The following NEK5 variants were observed in gnomAD, a reference collection of about 807,000 sequenced individuals.
NEK5 encodes the protein NIMA related kinase 5, also known as serine/threonine-protein kinase Nek5.
NEK5 carries 88 observed loss-of-function variants against 109.2 expected under a neutral mutation model. That is an observed-to-expected ratio of 0.81 (90% CI 0.68 to 0.96). The LOEUF (loss-of-function observed/expected upper bound fraction) is 0.96, where lower values mean the gene tolerates loss of function less well. Among genes scored for constraint, NEK5 ranks in the 40% least tolerant of loss-of-function variants. The pLI is 0.00. For synonymous variants in NEK5, 283 were observed against 299.9 expected, an observed-to-expected ratio of 0.94 and a Z score of 0.58; for missense variants, 834 against 920.7, an observed-to-expected ratio of 0.91 and a Z score of 1.22.
chr13:52,106,501 C>G (rs1340909545), intron 8 of NEK5, among the ~76,000 whole-genome samples: 1 of 152,126 alleles, frequency 6.6e-6, no homozygotes, highest in South Asian at 2.1e-4. Flanking sequence ...TGCGGTGGCT[C>G]ACACCTGCAA....
intron 17 of NEK5, among the ~76,000 whole-genome samples, chr13:52,081,355 C>T (rs1955009732): frequency 6.6e-6 from 1 of 152,130 alleles, no homozygotes; most frequent in Non-Finnish European, 1.5e-5. Context: ...CAGGAAATAT[C>T]AGATGCCTTT....
intron 3 of NEK5, among the ~76,000 whole-genome samples, chr13:52,125,390 C>T (rs1046350958): frequency 1.3e-5 from 2 of 152,232 alleles, no homozygotes; most frequent in South Asian, 2.1e-4. Context: ...AGTGAAACCC[C>T]GTCTCTACTA....
intron 22 of NEK5, among the ~76,000 whole-genome samples, chr13:52,055,751 G>C (rs1192729163): frequency 6.6e-6 from 1 of 151,992 alleles, no homozygotes; most frequent in East Asian, 1.9e-4. Context: ...CAAATGCTGA[G>C]AGATTTTGTC....
At chr13:52,060,336 G>A (rs914444257) in intron 22 of NEK5, among the ~76,000 whole-genome samples, 2 of 152,070 alleles carry the variant, frequency 1.3e-5, no homozygotes, top group African/African-American at 2.4e-5. Context: ...TTTTTGTAGT[G>A]GTAATTAACT....
chr13:52,100,232 G>A (rs898515160), intron 11 of NEK5, among the ~76,000 whole-genome samples: 4 of 151,994 alleles, frequency 2.6e-5, no homozygotes, highest in Non-Finnish European at 4.4e-5. Context: ...CTCCATTCAT[G>A]CCACATTGTT....
chr13:52,103,412 C>G (rs1382880511), intron 9 of NEK5, among the ~76,000 whole-genome samples: 3 of 152,224 alleles, frequency 2.0e-5, no homozygotes, highest in Non-Finnish European at 4.4e-5. Flanking sequence ...GTCTGGGCAA[C>G]AGAGCGGGAC....
At chr13:52,045,221 C>G (rs1378402722) in intron 23 of NEK5, among the ~76,000 whole-genome samples, 1 of 146,542 alleles carries the variant, frequency 6.8e-6, no homozygotes, top group Admixed American at 6.8e-5. Flanking sequence ...GCTCTGCCTC[C>G]CCGGTTCACG....
Position 52,087,354 on chromosome 13 carries a change from T to C in NEK5, c.1376A>G (p.Asn459Ser). The change falls in exon 15 of 24, where the codon AAC becomes AGC. Residue 459 changes from asparagine (N) to serine (S), a missense_variant. Around this residue, in one of 2 missense-constraint regions of NEK5, gnomAD observed 777 missense variants for 824.7 expected, o/e 0.94. Transcript: ENST00000684899. The part of the protein sequence containing the change: ...PRFQELPFRK[N>S]EMKEQEYWKQ... ...GTTTTTAACCTGTTCCTTCATTTCG[T>C]TTTTCCTAAATGGCAGCTCCTGGAA... 1.3e-6 allele frequency: 2 copies of C among 1,578,422 alleles called. No individual in the cohort carries two copies. Among genetic ancestry groups the C allele is most frequent in the Non-Finnish European group, 1.7e-6 (2 of 1,148,018 alleles).
chr13:52,091,263 A>T (rs759682534), intron 13 of NEK5, among the ~76,000 whole-genome samples: 36 of 152,330 alleles, frequency 2.4e-4, no homozygotes, highest in Non-Finnish European at 3.7e-4. Context: ...AGAGTGGAAG[A>T]TATATTTTCC....
rs1954664562 is a variant in NEK5 at position 52,065,074 on chromosome 13, C to T, written c.1975+410G>A. The T allele has an allele frequency of 3.6e-5, 9 of 248,574 alleles. No individual in the cohort carries two copies. The South Asian group carries it at 4.6e-4, about 13-fold the overall frequency. 15.4% of individuals were successfully genotyped at this position (248,574 alleles called of 1,614,324 possible). A position where few individuals can be genotyped will look rare whatever the true frequency, so the allele number is the denominator to read the frequency against. ...CCTTCCCTCCACTATTGTCCTATGA[C>T]CCTGCCAAATCCCCCTCTGCGAGAA... On this transcript the variant is annotated intron_variant, in intron 21 of 23. Transcript: ENST00000684899.
In NEK5 at chr13:52,083,425, G is replaced by A. The variant is rs1032190840; in HGVS notation, c.1480-73C>T. ...TCTGAAGGCTACTTGGCTGATGCGC[G>A]ATCAATGATGAAATGGCTGGACAGA... On this transcript the variant is annotated intron_variant, in intron 16 of 23. Transcript: ENST00000684899. 46 of 856,964 alleles carry A rather than the reference G, an allele frequency of 5.4e-5. No homozygotes were observed. In the Middle Eastern group the frequency reaches 6.5e-4, roughly 12 times the overall value. The allele number at this position is 856,964 out of a possible 1,614,324, so 53.1% of individuals were successfully genotyped here. A position where few individuals can be genotyped will look rare whatever the true frequency, so the allele number is the denominator to read the frequency against.
intron 14 of NEK5, among the ~76,000 whole-genome samples, chr13:52,088,537 G>A (rs1407771697): frequency 6.6e-6 from 1 of 151,996 alleles, no homozygotes; most frequent in Non-Finnish European, 1.5e-5. Context: ...ACAGGCATGA[G>A]CCACCGCACC....
chr13:52,097,934 A>G (rs1593974628), intron 12 of NEK5, among the ~76,000 whole-genome samples: 13 of 152,048 alleles, frequency 8.5e-5, no homozygotes, highest in Non-Finnish European at 2.9e-5. Flanking sequence ...TTTCCCTCTT[A>G]CTGTTCTTGT....
At chr13:52,065,146 T>A (rs79027371) in intron 21 of NEK5, 8 of 362,528 alleles carry the variant, frequency 2.2e-5, no homozygotes, top group Admixed American at 4.1e-5. Context: ...AAAAAAAAAA[T>A]GACCCTATGA....
Position 52,065,593 on chromosome 13 carries a change from A to T in NEK5, c.1866T>A (p.Thr622=), listed in dbSNP as rs1440224169. Residue 622 remains threonine (T), a synonymous_variant, in exon 21 of 24, where the codon ACT becomes ACA. Coordinates refer to ENST00000684899, the MANE Select transcript of NEK5 (RefSeq NM_001365552.1). ...GCCTCCTGTTTCCCACAGCAGCTACAGTCTGCGTGGAAAACCCTGGGTGTA... is the reference window on the plus strand; with the variant it reads ...GCCTCCTGTTTCCCACAGCAGCTACTGTCTGCGTGGAAAACCCTGGGTGTA... The part of the protein sequence containing the change: ...HCPEAGFSTQ[T]VAAVGNRRQW... 2 of 1,613,602 alleles carry T rather than the reference A, an allele frequency of 1.2e-6. No individual in the cohort carries two copies. The highest frequency in any genetic ancestry group is 3.3e-5 in the Admixed American group (2 of 60,026).
intron 23 of NEK5, among the ~76,000 whole-genome samples, chr13:52,038,231 A>G (rs1028814780): frequency 6.6e-6 from 1 of 151,896 alleles, no homozygotes; most frequent in African/African-American, 2.4e-5. Flanking sequence ...CTGAGACAGG[A>G]GAATCACTTG....
intron 23 of NEK5, among the ~76,000 whole-genome samples, chr13:52,048,310 G>A (rs977453694): frequency 5.3e-5 from 8 of 151,798 alleles, no homozygotes; most frequent in Admixed American, 1.3e-4. Flanking sequence ...AGTGGCTCAC[G>A]CCTATAATCC....
chr13:52,098,948 T>G (rs1462144277), intron 12 of NEK5, among the ~76,000 whole-genome samples: 1 of 152,126 alleles, frequency 6.6e-6, no homozygotes, highest in African/African-American at 2.4e-5. Flanking sequence ...GAATATACCA[T>G]AGCTTAATGG....
intron 3 of NEK5, among the ~76,000 whole-genome samples, chr13:52,124,448 T>C (rs775818166): frequency 1.6e-4 from 24 of 152,250 alleles, no homozygotes; most frequent in Non-Finnish European, 2.8e-4. Context: ...TCTCAAACAT[T>C]GCAAACATTG....
Sources: gnomAD v4.1 joint callset for allele counts (sites outside exome capture counted in the v4.1 genomes callset) on GRCh38, gnomAD v4.1.1 for gene constraint, gnomAD v4.1.1 regional missense constraint, MANE v1.5 for transcripts, NCBI Gene and HGNC (gene_info 2026-07-23, HGNC 2026-07-21) for gene names.